The following FZD8 variants were observed in gnomAD, a reference collection of about 807,000 sequenced individuals.
FZD8 encodes the protein frizzled class receptor 8.
In FZD8, 18 loss-of-function variants were observed where a neutral mutation model predicts 46.0. The ratio of observed to expected loss-of-function variants is 0.39; its 90% CI spans 0.27 to 0.58. The LOEUF (loss-of-function observed/expected upper bound fraction) is 0.58, where lower values mean the gene tolerates loss of function less well. FZD8 is among the 20% of genes least tolerant of loss of function. The pLI, the probability that FZD8 is intolerant of heterozygous loss-of-function variation, is 0.55. For missense variants in FZD8, 785 were observed against 983.4 expected, an observed-to-expected ratio of 0.80 and a Z score of 2.70; for synonymous variants, 586 against 467.9, an observed-to-expected ratio of 1.25 and a Z score of -3.26.
In FZD8 at chr10:35,639,190, T is replaced by C; in HGVS notation, c.*155A>G. On this transcript the variant is annotated 3_prime_UTR_variant, in exon 1 of 1. Coordinates refer to ENST00000374694, the MANE Select transcript of FZD8 (RefSeq NM_031866.3). ...CTTTGTTCTAAGTGAGTCATTTAAG[T>C]CCCAGCTAATGGATACCATTAAGAG... 1 of 239,194 alleles carries C rather than the reference T, an allele frequency of 4.2e-6. No individual in the cohort carries two copies. The allele number at this position is 239,194 out of a possible 1,614,324, so 14.8% of individuals were successfully genotyped here.
chr10:35,640,327 C>T lies in FZD8; in HGVS notation c.1103G>A (p.Gly368Asp). ...GTACTCGCCGCGCCCGCCCGGGCCG[C>T]CCGCGCCCGCGCCCGCCGCGCCCGC... ...AGAGAAGAGAGGPGGRGEYEE... is the reference protein window; with the variant it reads ...AGAGAAGAGADGPGGRGEYEE... Residue 368 changes from glycine to aspartate, a missense_variant, in exon 1 of 1, where the codon GGC becomes GAC. Gly to Asp is a moderately conservative substitution (Grantham distance 94). Around this residue, in one of 5 missense-constraint regions of FZD8, gnomAD observed 88 missense variants for 83.6 expected, o/e 1.05. Coordinates refer to ENST00000374694, the MANE Select transcript of FZD8 (RefSeq NM_031866.3). The T allele has an allele frequency of 9.7e-7, 1 of 1,026,322 alleles. No homozygotes were observed. 63.6% of individuals were successfully genotyped at this position (1,026,322 alleles called of 1,614,324 possible).
At position 35,641,270 on chromosome 10, in the gene FZD8, G is replaced by A; in HGVS notation, c.160C>T (p.Pro54Ser). ...KGIGYNYTYM[P>S]NQFNHDTQDE... ...TGCGTGTCGTGGTTGAACTGATTGGGCATGTAGGTGTAGTTGTAGCCGATG... is the reference window on the plus strand; with the variant it reads ...TGCGTGTCGTGGTTGAACTGATTGGACATGTAGGTGTAGTTGTAGCCGATG... The change falls in exon 1 of 1, where the codon CCC (proline) becomes TCC (serine). Residue 54 changes from proline (P) to serine (S), a missense_variant. Physicochemically the swap from Pro to Ser is moderately conservative, Grantham distance 74 (BLOSUM62 -1). Coordinates refer to ENST00000374694, the MANE Select transcript of FZD8 (RefSeq NM_031866.3). The surrounding 1 kb of genome is among the most constrained non-coding windows in gnomAD (Gnocchi z 6.3). 6.2e-7 allele frequency: 1 copy of A among 1,614,078 alleles called. No individual in the cohort carries two copies. Among genetic ancestry groups the A allele is most frequent in the Non-Finnish European group, 8.5e-7 (1 of 1,179,956 alleles).
In FZD8 at chr10:35,642,257, A is replaced by T. The variant is rs946001373; in HGVS notation, c.-828T>A. On this transcript the variant is annotated 5_prime_UTR_variant, in exon 1 of 1. Coordinates refer to ENST00000374694, the MANE Select transcript of FZD8 (RefSeq NM_031866.3). ...CCGCCGCCTCCTCCTCGGCGGGAGCAGCGCCCTTAGCCCAACTTCCCGGCT... is the reference window on the plus strand; with the variant it reads ...CCGCCGCCTCCTCCTCGGCGGGAGCTGCGCCCTTAGCCCAACTTCCCGGCT... 6.5e-6 allele frequency: 1 copy of T among 152,850 alleles called. No homozygotes were observed. The highest frequency in any genetic ancestry group is 1.9e-4 in the East Asian group (1 of 5,136). 9.5% of individuals were successfully genotyped at this position (152,850 alleles called of 1,614,324 possible). A position where few individuals can be genotyped will look rare whatever the true frequency, so the allele number is the denominator to read the frequency against.
At position 35,640,605 on chromosome 10, in the gene FZD8, G is replaced by T; in HGVS notation, c.825C>A (p.Ala275=). 6.3e-7 allele frequency: 1 copy of T among 1,585,008 alleles called. No homozygotes were observed. The highest frequency in any genetic ancestry group is 1.1e-5 in the South Asian group (1 of 88,586). Residue 275 remains alanine (A), a synonymous_variant, in exon 1 of 1, where the codon GCC becomes GCA. Transcript: ENST00000374694. ...ACAGGCCGATCCAGAAGACGGTGAA[G>T]GCGCGCTCGTCCTGGCTGAAAAAGG... The part of the protein sequence containing the change: ...HNPFFSQDER[A]FTVFWIGLWS...
In FZD8 at chr10:35,641,683, G is replaced by T; in HGVS notation, c.-254C>A. 1 of 469,406 alleles carries T rather than the reference G, an allele frequency of 2.1e-6. No individual in the cohort carries two copies. The highest frequency in any genetic ancestry group is 2.9e-5 in the South Asian group (1 of 34,086). 29.1% of individuals were successfully genotyped at this position (469,406 alleles called of 1,614,324 possible). The stretch of plus-strand genomic sequence containing the variant: ...CGGGGGTTTGAAGGCGGCTGCAGGC[G>T]CGCGCCACAGTCCGTAGGTCCGCTC... On this transcript the variant is annotated 5_prime_UTR_variant, in exon 1 of 1. Coordinates refer to ENST00000374694, the MANE Select transcript of FZD8 (RefSeq NM_031866.3). This position sits in a 1 kb window ranked among gnomAD's most constrained non-coding sequence, Gnocchi z 6.3.
At position 35,639,282 on chromosome 10, in the gene FZD8, T is replaced by C; in HGVS notation, c.*63A>G. 1 of 882,812 alleles carries C rather than the reference T, an allele frequency of 1.1e-6. No individual in the cohort carries two copies. Among genetic ancestry groups the C allele is most frequent in the South Asian group, 1.9e-5 (1 of 54,052 alleles). The allele number at this position is 882,812 out of a possible 1,614,324, so 54.7% of individuals were successfully genotyped here. On this transcript the variant is annotated 3_prime_UTR_variant, in exon 1 of 1. Transcript: ENST00000374694. Reference sequence around the variant, plus strand: ...GGAACCTCAGCCCATCAAGTGTCCCTTCGCTGCACTTGGCTCTCCTCGCCC... The same window carrying C: ...GGAACCTCAGCCCATCAAGTGTCCCCTCGCTGCACTTGGCTCTCCTCGCCC...
Position 35,641,264 on chromosome 10 carries a change from G to C in FZD8, c.166C>G (p.Gln56Glu). The change falls in exon 1 of 1, where the codon CAG becomes GAG. Residue 56 changes from glutamine to glutamate, a missense_variant. Transcript: ENST00000374694. The surrounding 1 kb of genome is among the most constrained non-coding windows in gnomAD (Gnocchi z 6.3). Reference protein sequence around the residue: ...IGYNYTYMPNQFNHDTQDEAG... With the variant: ...IGYNYTYMPNEFNHDTQDEAG... ...TCGTCTTGCGTGTCGTGGTTGAACT[G>C]ATTGGGCATGTAGGTGTAGTTGTAG... 6.2e-7 allele frequency: 1 copy of C among 1,614,086 alleles called. No homozygotes were observed. Among genetic ancestry groups the C allele is most frequent in the Non-Finnish European group, 8.5e-7 (1 of 1,179,958 alleles).
rs751320601 is a variant in FZD8 at position 35,639,441 on chromosome 10, GCCCCCGCCGCCGCCCGGC to G, written c.1971_1988del (p.Pro658_Gly663del). ...CAGTGCTGACGTCGCTGTAGAGGGA[GCCCCCGCCGCCGCCCGGC>G]CCCCCGCCGCCGCCGGGTCCCCCGC... On this transcript the variant is annotated inframe_deletion, in exon 1 of 1. Coordinates refer to ENST00000374694, the MANE Select transcript of FZD8 (RefSeq NM_031866.3). 4.1e-4 allele frequency: 482 copies of G among 1,187,076 alleles called. 1 individual carries two copies. The highest frequency in any genetic ancestry group is 3.7e-3 in the African/African-American group (230 of 62,542). The allele number at this position is 1,187,076 out of a possible 1,614,324, so 73.5% of individuals were successfully genotyped here.
chr10:35,639,474 G>C lies in FZD8; in HGVS notation c.1956C>G (p.Pro652=), dbSNP rs1474160161. 8 of 973,400 alleles carry C rather than the reference G, an allele frequency of 8.2e-6. No homozygotes were observed. Among genetic ancestry groups the C allele is most frequent in the Admixed American group, 6.2e-5 (1 of 16,080 alleles). The allele number at this position is 973,400 out of a possible 1,614,324, so 60.3% of individuals were successfully genotyped here. Residue 652 remains proline, a synonymous_variant, in exon 1 of 1, where the codon CCC becomes CCG. Transcript: ENST00000374694. ...GGPGGGGGGG[P]GGGGGPGGGG... ...CGCCGCCCGGCCCCCCGCCGCCGCC[G>C]GGTCCCCCGCCGCCGCCGCCCCCCG...
In FZD8 at chr10:35,641,641, A is replaced by C. The variant is rs1588706909; in HGVS notation, c.-212T>G. The C allele has an allele frequency of 1.7e-6, 1 of 595,950 alleles. No homozygotes were observed. The highest frequency in any genetic ancestry group is 2.8e-6 in the Non-Finnish European group (1 of 351,974). 36.9% of individuals were successfully genotyped at this position (595,950 alleles called of 1,614,324 possible). A position where few individuals can be genotyped will look rare whatever the true frequency, so the allele number is the denominator to read the frequency against. ...CGCAGCCTGGGCAGGGCCCTTCCGC[A>C]CTCCTTTCCGCCGCTCCGGGGGTTT... On this transcript the variant is annotated 5_prime_UTR_variant, in exon 1 of 1. Coordinates refer to ENST00000374694, the MANE Select transcript of FZD8 (RefSeq NM_031866.3). This position sits in a 1 kb window ranked among gnomAD's most constrained non-coding sequence, Gnocchi z 6.3.
At position 35,639,182 on chromosome 10, in the gene FZD8, C is replaced by T. The variant is rs41276110; in HGVS notation, c.*163G>A. ...GCCAGGTACTTTGTTCTAAGTGAGT[C>T]ATTTAAGTCCCAGCTAATGGATACC... On this transcript the variant is annotated 3_prime_UTR_variant, in exon 1 of 1. Transcript: ENST00000374694. The T allele has an allele frequency of 2.4e-4, 55 of 230,460 alleles. No individual in the cohort carries two copies. The highest frequency in any genetic ancestry group is 4.1e-4 in the Admixed American group (7 of 16,952). The allele number at this position is 230,460 out of a possible 1,614,324, so 14.3% of individuals were successfully genotyped here.
Position 35,639,309 on chromosome 10 carries a change from C to CCCCCCCCCCCCCCCCGGGGG in FZD8, c.*35_*36insCCCCCGGGGGGGGGGGGGGG. The CCCCCCCCCCCCCCCCGGGGG allele has an allele frequency of 1.2e-6, 1 of 842,622 alleles. No homozygotes were observed. The allele number at this position is 842,622 out of a possible 1,614,324, so 52.2% of individuals were successfully genotyped here. A position where few individuals can be genotyped will look rare whatever the true frequency, so the allele number is the denominator to read the frequency against. The stretch of plus-strand genomic sequence containing the variant: ...CGCTGCACTTGGCTCTCCTCGCCCC[C>CCCCCCCCCCCCCCCCGGGGG]CTCCCCACCCCTCCTGGGCGCCCCC... On this transcript the variant is annotated 3_prime_UTR_variant, in exon 1 of 1. Coordinates refer to ENST00000374694, the MANE Select transcript of FZD8 (RefSeq NM_031866.3).
rs1227347404 is a variant in FZD8 at position 35,641,610 on chromosome 10, G to A, written c.-181C>T. On this transcript the variant is annotated 5_prime_UTR_variant, in exon 1 of 1. Coordinates refer to ENST00000374694, the MANE Select transcript of FZD8 (RefSeq NM_031866.3). The surrounding 1 kb of genome is among the most constrained non-coding windows in gnomAD (Gnocchi z 6.3). ...CTTCTAGGGGCGCGTCCGCAGCGGC[G>A]CGGCCCGCAGCCTGGGCAGGGCCCT... 3.8e-6 allele frequency: 3 copies of A among 784,896 alleles called. No individual in the cohort carries two copies. Among genetic ancestry groups the A allele is most frequent in the Middle Eastern group, 3.9e-4 (1 of 2,584 alleles). 48.6% of individuals were successfully genotyped at this position (784,896 alleles called of 1,614,324 possible).
Position 35,640,950 on chromosome 10 carries a change from C to G in FZD8, c.480G>C (p.Ala160=). Residue 160 remains alanine, a synonymous_variant, in exon 1 of 1, where the codon GCG becomes GCC. Transcript: ENST00000374694. ...GCGGCAGGCGGCGCGGCGGGCTGGG[C>G]GCGGCGGTGGTTAGGTCGGTGCGGT... is the stretch of plus-strand genomic sequence containing the variant. ...DYNRTDLTTA[A]PSPPRRLPPP... The G allele has an allele frequency of 3.6e-6, 5 of 1,406,442 alleles. No homozygotes were observed. The highest frequency in any genetic ancestry group is 1.5e-5 in the African/African-American group (1 of 68,096). 87.1% of individuals were successfully genotyped at this position (1,406,442 alleles called of 1,614,324 possible). A position where few individuals can be genotyped will look rare whatever the true frequency, so the allele number is the denominator to read the frequency against.
In FZD8 at chr10:35,640,315, CCGCCCGGGCCGCCCGCGCCCG is replaced by C; in HGVS notation, c.1094_1114del (p.Ala365_Gly371del). 8.2e-7 allele frequency: 1 copy of C among 1,223,266 alleles called. No individual in the cohort carries two copies. The highest frequency in any genetic ancestry group is 1.0e-6 in the Non-Finnish European group (1 of 967,766). 75.8% of individuals were successfully genotyped at this position (1,223,266 alleles called of 1,614,324 possible). ...GCCCAGCTCCTCGTACTCGCCGCGC[CCGCCCGGGCCGCCCGCGCCCG>C]CGCCCGCCGCGCCCGCGCCCGCCGC... On this transcript the variant is annotated inframe_deletion, in exon 1 of 1. Transcript: ENST00000374694.
Position 35,641,517 on chromosome 10 carries a change from G to A in FZD8, c.-88C>T, listed in dbSNP as rs919856205. 1.4e-6 allele frequency: 2 copies of A among 1,467,418 alleles called. No individual in the cohort carries two copies. The allele number at this position is 1,467,418 out of a possible 1,614,324, so 90.9% of individuals were successfully genotyped here. A position where few individuals can be genotyped will look rare whatever the true frequency, so the allele number is the denominator to read the frequency against. ...GGGCCCACGAGAGAGCCGCAGACGG[G>A]TACAGCGGGTGATCTGGGGTCTCCC... On this transcript the variant is annotated 5_prime_UTR_variant, in exon 1 of 1. Coordinates refer to ENST00000374694, the MANE Select transcript of FZD8 (RefSeq NM_031866.3). The surrounding 1 kb of genome is among the most constrained non-coding windows in gnomAD (Gnocchi z 6.3).
chr10:35,639,562 G>C lies in FZD8; in HGVS notation c.1868C>G (p.Ala623Gly). The change falls in exon 1 of 1, where the codon GCC (alanine) becomes GGC (glycine). Residue 623 changes from alanine (A) to glycine (G), a missense_variant. Ala to Gly is a moderately conservative substitution (Grantham distance 60). Transcript: ENST00000374694. ...CCCGCCCACCGCGGCGCCCTTGCTG[G>C]CCCAGCAGCAGCGGGTGCACAGGGA... ...WRSLCTRCCW[A>G]SKGAAVGGGA... is the part of the protein sequence containing the mutation. 1 of 1,533,062 alleles carries C rather than the reference G, an allele frequency of 6.5e-7. No homozygotes were observed. The highest frequency in any genetic ancestry group is 1.7e-4 in the Middle Eastern group (1 of 5,742). 95.0% of individuals were successfully genotyped at this position (1,533,062 alleles called of 1,614,324 possible). A position where few individuals can be genotyped will look rare whatever the true frequency, so the allele number is the denominator to read the frequency against.
rs1224939927 is a variant in FZD8, at chr10:35,642,288, C to T, written c.-859G>A. 6.6e-6 allele frequency: 1 copy of T among 152,304 alleles called. No homozygotes were observed. Among genetic ancestry groups the T allele is most frequent in the African/African-American group, 2.4e-5 (1 of 41,398 alleles). 9.4% of individuals were successfully genotyped at this position (152,304 alleles called of 1,614,324 possible). On this transcript the variant is annotated 5_prime_UTR_variant, in exon 1 of 1. Transcript: ENST00000374694. ...CTTAGCCCAACTTCCCGGCTCCAGC[C>T]CCGCTCGCGCCGCGCTGCCGGCTCA...
At position 35,638,788 on chromosome 10, in the gene FZD8, G is replaced by GT. The variant is rs1166369406; in HGVS notation, c.*556dup. On this transcript the variant is annotated 3_prime_UTR_variant, in exon 1 of 1. Coordinates refer to ENST00000374694, the MANE Select transcript of FZD8 (RefSeq NM_031866.3). ...TAATTATATAAATACATCCTCTAAT[G>GT]TAAGAAACCCGTATTTACGTGGGGT... 6 of 151,244 alleles carry GT rather than the reference G, an allele frequency of 4.0e-5. No homozygotes were observed. The highest frequency in any genetic ancestry group is 8.8e-5 in the Non-Finnish European group (6 of 67,816). 9.4% of individuals were successfully genotyped at this position (151,244 alleles called of 1,614,324 possible).
Sources: gnomAD v4.1 joint callset for allele counts on GRCh38, gnomAD v4.1.1 for gene constraint, gnomAD v4.1.1 regional missense constraint, Gnocchi (gnomAD v3.1) non-coding constraint, MANE v1.5 for transcripts, NCBI Gene and HGNC (gene_info 2026-07-23, HGNC 2026-07-21) for gene names.